ATP7A: variants seen among roughly 807,000 people sequenced by gnomAD.
ATP7A encodes the protein copper-transporting ATPase 1.
ATP7A carries 7 observed loss-of-function variants against 83.5 expected under a neutral mutation model. The ratio of observed to expected loss-of-function variants is 0.08; its 90% confidence interval spans 0.05 to 0.16. The LOEUF is 0.16. Among genes scored for constraint, ATP7A ranks in the 10% least tolerant of loss-of-function variants. The probability of loss-of-function intolerance (pLI) is 1.00; values close to 1 mark genes in which losing one functional copy is unlikely to be tolerated. For missense variants in ATP7A, 940 were observed against 1,120.8 expected, an observed-to-expected ratio of 0.84 and a Z score of 2.30; for synonymous variants, 354 against 395.2, an observed-to-expected ratio of 0.90 and a Z score of 1.24.
At chrX:77,981,472 G>C (rs1043756402) in intron 2 of ATP7A, among the ~76,000 whole-genome samples, 9 of 111,644 alleles carry the variant, frequency 8.1e-5, no homozygotes, top group African/African-American at 2.3e-4. Flanking sequence ...TTTTTATAGC[G>C]AACAATCATA....
chrX:77,994,895 G>A (rs782735584), intron 4 of ATP7A, among the ~76,000 whole-genome samples: 21 of 111,042 alleles, frequency 1.9e-4, no homozygotes, highest in South Asian at 3.8e-4. Context: ...TAAGGGCCCC[G>A]GGAATCAATT....
chrX:78,017,815 C>T (rs1283854366), intron 12 of ATP7A, among the ~76,000 whole-genome samples: 1 of 81,353 alleles, frequency 1.2e-5, no homozygotes, highest in African/African-American at 5.0e-5. Flanking sequence ...CTCGCTCTGT[C>T]GCCCAGGCTG....
chrX:77,942,887 C>T (rs1840985136), intron 1 of ATP7A, among the ~76,000 whole-genome samples: 1 of 112,134 alleles, frequency 8.9e-6, no homozygotes, highest in Non-Finnish European at 1.9e-5. Context: ...CGGCTGACTG[C>T]AAACACCACC....
chrX:77,988,567 A>G lies in ATP7A; in HGVS notation c.446A>G (p.Asp149Gly), dbSNP rs1557231632. 2 of 1,211,751 alleles carry G rather than the reference A, an allele frequency of 1.7e-6. No individual in the cohort carries two copies. Among genetic ancestry groups the G allele is most frequent in the Admixed American group, 4.3e-5 (2 of 45,994 alleles). The part of the protein sequence containing the change: ...IKELVPELSL[D>G]TGTLEKKSGA... The stretch of plus-strand genomic sequence containing the variant: ...GAGCTGGTTCCAGAACTCAGTTTAG[A>G]TACTGGGACACTGGAGAAAAAGTCA... Residue 149 changes from aspartate to glycine, a missense_variant, in exon 3 of 23, where the codon GAT (aspartate) becomes GGT (glycine). Asp to Gly is a moderately conservative substitution (Grantham distance 94). Transcript: ENST00000341514.
intron 19 of ATP7A, among the ~76,000 whole-genome samples, 187 bp from the exon 20 acceptor site, chrX:78,042,398 A>G (rs2149111593): frequency 9.0e-6 from 1 of 111,654 alleles, no homozygotes; most frequent in South Asian, 3.8e-4. Flanking sequence ...AAAAAGAGTT[A>G]CAATTTACAC....
intron 1 of ATP7A, among the ~76,000 whole-genome samples, chrX:77,930,275 C>G (rs1261239685): frequency 9.0e-6 from 1 of 111,474 alleles, no homozygotes; most frequent in Admixed American, 9.5e-5. Context: ...AGTCTCAGTA[C>G]TAAGTGAATC....
intron 6 of ATP7A, among the ~76,000 whole-genome samples, chrX:78,007,482 T>C (rs782207829): frequency 7.1e-4 from 79 of 111,434 alleles, no homozygotes; most frequent in Non-Finnish European, 1.3e-3. Context: ...TCTGCCACCA[T>C]GCCCGGCTAA....
chrX:78,015,619 G>C lies in ATP7A; in HGVS notation c.2499-135G>C, dbSNP rs782733935. 39 of 830,918 alleles carry C rather than the reference G, an allele frequency of 4.7e-5. No homozygotes were observed. The South Asian group carries it at 7.6e-4, about 16-fold the overall frequency. 68.5% of individuals were successfully genotyped at this position (830,918 alleles called of 1,213,427 possible). A position where few individuals can be genotyped will look rare whatever the true frequency, so the allele number is the denominator to read the frequency against. On this transcript the variant is annotated intron_variant, in intron 11 of 22. Transcript: ENST00000341514. ...AGCAAGACTGACATACTAGTTCCTA[G>C]TTTAAATGTTGGTTCTAGCTTCCAT...
chrX:77,978,161 C>T (rs1465386186), intron 2 of ATP7A, among the ~76,000 whole-genome samples: 1 of 111,618 alleles, frequency 9.0e-6, no homozygotes, highest in Non-Finnish European at 1.9e-5. Flanking sequence ...TCTGTTAGAC[C>T]TCCCCTTTGT....
At chrX:77,972,760 C>G (rs782122260) in intron 2 of ATP7A, among the ~76,000 whole-genome samples, 23 of 110,987 alleles carry the variant, frequency 2.1e-4, no homozygotes, top group Non-Finnish European at 3.6e-4. Flanking sequence ...CCTGGGCCTC[C>G]CAGAGTGCGG....
At chrX:77,950,274 C>T (rs1187896318) in intron 1 of ATP7A, among the ~76,000 whole-genome samples, 1 of 112,049 alleles carries the variant, frequency 8.9e-6, no homozygotes, top group African/African-American at 3.2e-5. Flanking sequence ...CCTCCCTTCT[C>T]CCTTCCTCCC....
chrX:78,001,246 A>G (rs2077736953), intron 5 of ATP7A, among the ~76,000 whole-genome samples: 1 of 111,683 alleles, frequency 9.0e-6, no homozygotes, highest in African/African-American at 3.2e-5. Flanking sequence ...AGCACTTTAT[A>G]TAGAAAAATT....
intron 4 of ATP7A, among the ~76,000 whole-genome samples, chrX:77,997,410 G>C (rs187144055): frequency 2.1e-4 from 23 of 112,020 alleles, no homozygotes; most frequent in African/African-American, 5.8e-4. Context: ...AAGTGGTCAG[G>C]CTTTTGTTAA....
intron 17 of ATP7A, 77 bp from the exon 18 acceptor site, chrX:78,038,759 A>T (rs1463536328): frequency 2.6e-5 from 28 of 1,089,210 alleles, no homozygotes; most frequent in Non-Finnish European, 3.4e-5. Context: ...GCAAGGTTAG[A>T]CAGGAAGAAC....
At chrX:77,912,756 C>T (rs868941697) in intron 1 of ATP7A, among the ~76,000 whole-genome samples, 50 of 112,169 alleles carry the variant, frequency 4.5e-4, no homozygotes, top group African/African-American at 1.5e-3. Context: ...AAGTGAGCAA[C>T]TGTTCCAGGT....
intron 4 of ATP7A, among the ~76,000 whole-genome samples, chrX:77,996,628 G>T (rs1603382685): frequency 9.0e-6 from 1 of 111,159 alleles, no homozygotes; most frequent in Admixed American, 9.6e-5. Flanking sequence ...GTCATGCTAA[G>T]GTAGCTAAAA....
chrX:77,942,467 C>T (rs1603373640), intron 1 of ATP7A, among the ~76,000 whole-genome samples: 2 of 108,667 alleles, frequency 1.8e-5, no homozygotes, highest in African/African-American at 3.4e-5. Context: ...GGTAGGGGAG[C>T]GGACAGCATC....
At chrX:78,034,565 C>T (rs995808881) in intron 17 of ATP7A, among the ~76,000 whole-genome samples, 24 of 110,971 alleles carry the variant, frequency 2.2e-4, no homozygotes, top group Admixed American at 7.7e-4. Context: ...CTACTGAATC[C>T]GTTCTTTCTA....
chrX:77,920,285 G>A (rs2077206244), intron 1 of ATP7A, among the ~76,000 whole-genome samples: 1 of 105,790 alleles, frequency 9.5e-6, no homozygotes, highest in South Asian at 4.3e-4. Flanking sequence ...GTGTGATCTC[G>A]GCTCACTGCA....
Sources: allele counts gnomAD v4.1 joint callset (sites outside exome capture counted in the v4.1 genomes callset), GRCh38; gene constraint gnomAD v4.1.1; transcripts MANE v1.5; gene names NCBI Gene and HGNC (gene_info 2026-07-23, HGNC 2026-07-21).